The following AKAP8L variants were observed in gnomAD, a reference collection of about 807,000 sequenced individuals.
AKAP8L encodes A-kinase anchoring protein 8 like, also known as A-kinase anchor protein 8-like.
A neutral mutation model predicts 77.5 loss-of-function variants in AKAP8L; 34 were observed. The ratio of observed to expected loss-of-function variants is 0.44; its 90% CI spans 0.33 to 0.58. The LOEUF (loss-of-function observed/expected upper bound fraction) is 0.58, where lower values mean the gene tolerates loss of function less well. Ranked by LOEUF, AKAP8L falls within the 20% of genes least tolerant of loss-of-function variation. The probability of loss-of-function intolerance (pLI) is 0.02; values close to 1 mark genes in which losing one functional copy is unlikely to be tolerated. For missense variants in AKAP8L, 806 were observed against 887.6 expected (o/e 0.91, Z 1.17); for synonymous variants, 342 against 340.7 (o/e 1.00, Z -0.04).
intron 1 of AKAP8L, among the ~76,000 whole-genome samples, chr19:15,411,746 T>C (rs1447503447): frequency 6.6e-6 from 1 of 152,048 alleles, no homozygotes; most frequent in African/African-American, 2.4e-5. Context: ...ACTTTCAAAC[T>C]ATTTCTCAAC....
intron 12 of AKAP8L, among the ~76,000 whole-genome samples, chr19:15,394,097 T>A (rs1305653811): frequency 1.3e-5 from 2 of 152,090 alleles, no homozygotes; most frequent in Admixed American, 6.6e-5. Context: ...TGAAAACATA[T>A]GTCCACATAA....
chr19:15,403,393 G>T lies in AKAP8L; in HGVS notation c.362+82C>A. 1 of 1,327,064 alleles carries T rather than the reference G, an allele frequency of 7.5e-7. No homozygotes were observed. The highest frequency in any genetic ancestry group is 1.1e-6 in the Non-Finnish European group (1 of 929,876). The allele number at this position is 1,327,064 out of a possible 1,614,324, so 82.2% of individuals were successfully genotyped here. A position where few individuals can be genotyped will look rare whatever the true frequency, so the allele number is the denominator to read the frequency against. On this transcript the variant is annotated intron_variant, in intron 4 of 13. Coordinates refer to ENST00000397410, the MANE Select transcript of AKAP8L (RefSeq NM_014371.4). The surrounding 1 kb of genome is among the most constrained non-coding windows in gnomAD (Gnocchi z 4.3). ...GCGGGGAGGAAGCAGACACAGAGGG[G>T]CACTCAGAGAGGAAAACGCAGTGGG...
chr19:15,403,942 C>T lies in AKAP8L; in HGVS notation c.121+68G>A. 2 of 1,572,594 alleles carry T rather than the reference C, an allele frequency of 1.3e-6. No individual in the cohort carries two copies. Among genetic ancestry groups the T allele is most frequent in the South Asian group, 1.1e-5 (1 of 89,262 alleles). On this transcript the variant is annotated intron_variant, in intron 3 of 13. Transcript: ENST00000397410. The surrounding 1 kb of genome is among the most constrained non-coding windows in gnomAD (Gnocchi z 4.3). ...CACTCCCAACCTTGGCCAAGCAGGG[C>T]AGTGGCAGAGAAACACAGCCAGGAC... is the stretch of plus-strand genomic sequence containing the variant.
intron 12 of AKAP8L, among the ~76,000 whole-genome samples, chr19:15,394,208 C>G (rs1967722330): frequency 1.3e-5 from 2 of 150,436 alleles, no homozygotes; most frequent in Middle Eastern, 3.2e-3. Flanking sequence ...TGTGCCACAT[C>G]TATCTACACA....
In AKAP8L at chr19:15,380,099, G is replaced by A. The variant is rs1599580454; in HGVS notation, c.*23C>T. On this transcript the variant is annotated 3_prime_UTR_variant, in exon 14 of 14. Transcript: ENST00000397410. Reference sequence around the variant, plus strand: ...TTGGTTTCCAGCTTCGGCCACGCGGGCTCCGCCCGCCCCGAGCTCGGGTCA... The same window carrying A: ...TTGGTTTCCAGCTTCGGCCACGCGGACTCCGCCCGCCCCGAGCTCGGGTCA... The A allele has an allele frequency of 1.4e-6, 2 of 1,463,476 alleles. No individual in the cohort carries two copies. The highest frequency in any genetic ancestry group is 1.3e-5 in the South Asian group (1 of 75,676). 90.7% of individuals were successfully genotyped at this position (1,463,476 alleles called of 1,614,324 possible).
chr19:15,391,671 T>C (rs903347722), intron 12 of AKAP8L, among the ~76,000 whole-genome samples: 54 of 150,956 alleles, frequency 3.6e-4, no homozygotes, highest in Non-Finnish European at 7.2e-4. Flanking sequence ...CCCAAGTAGC[T>C]GGGACTACAG....
rs918875989 is a variant in AKAP8L, at chr19:15,380,161, G to A, written c.1902C>T (p.Asp634=). ...CGCCGCCCTCCTCGTCGTCCTCCAC[G>A]TCGAGGCCCGGGATGCCGCGGATCT... The part of the protein sequence containing the change: ...QRQIRGIPGL[D]VEDDEEGGGG... The change falls in exon 14 of 14, where the codon GAC becomes GAT. Residue 634 remains aspartate, a synonymous_variant. Transcript: ENST00000397410. The A allele has an allele frequency of 3.3e-6, 5 of 1,504,220 alleles. No homozygotes were observed. The African/African-American group carries it at 5.8e-5, about 17-fold the overall frequency. 93.2% of individuals were successfully genotyped at this position (1,504,220 alleles called of 1,614,324 possible). A position where few individuals can be genotyped will look rare whatever the true frequency, so the allele number is the denominator to read the frequency against.
In AKAP8L at chr19:15,403,781, G is replaced by C. The variant is rs1216660678; in HGVS notation, c.122-66C>G. On this transcript the variant is annotated intron_variant, in intron 3 of 13. Transcript: ENST00000397410. The surrounding 1 kb of genome is among the most constrained non-coding windows in gnomAD (Gnocchi z 4.3). ...GGCAGAGGGGAGGCAGACAGAGACA[G>C]AGACAAACACAGATACAAGGGTATC... 1 of 1,307,948 alleles carries C rather than the reference G, an allele frequency of 7.6e-7. No homozygotes were observed. The highest frequency in any genetic ancestry group is 1.1e-6 in the Non-Finnish European group (1 of 925,230). 81.0% of individuals were successfully genotyped at this position (1,307,948 alleles called of 1,614,324 possible). A position where few individuals can be genotyped will look rare whatever the true frequency, so the allele number is the denominator to read the frequency against.
chr19:15,382,101 C>T (rs1352962830), intron 12 of AKAP8L: 1 of 152,234 alleles, frequency 6.6e-6, no homozygotes, highest in Non-Finnish European at 1.5e-5. Flanking sequence ...CGGCATTTCC[C>T]TGCCCACCGG....
chr19:15,380,070 A>G lies in AKAP8L; in HGVS notation c.*52T>C. On this transcript the variant is annotated 3_prime_UTR_variant, in exon 14 of 14. Transcript: ENST00000397410. The stretch of plus-strand genomic sequence containing the variant: ...GGAGGTGGGATGGGAAAACTTTATT[A>G]GGTTTGGTTTCCAGCTTCGGCCACG... 7.4e-7 allele frequency: 1 copy of G among 1,357,900 alleles called. No individual in the cohort carries two copies. Among genetic ancestry groups the G allele is most frequent in the Non-Finnish European group, 9.4e-7 (1 of 1,059,148 alleles). The allele number at this position is 1,357,900 out of a possible 1,614,324, so 84.1% of individuals were successfully genotyped here.
Position 15,398,952 on chromosome 19 carries a change from C to T in AKAP8L, c.1157+350G>A. ...GCTGGGGCGGCACAGGCGCCTTGGA[C>T]CTTGAGTCTCTGATGAGCTGGCCCC... On this transcript the variant is annotated intron_variant, in intron 9 of 13. Coordinates refer to ENST00000397410, the MANE Select transcript of AKAP8L (RefSeq NM_014371.4). The surrounding 1 kb of genome is among the most constrained non-coding windows in gnomAD (Gnocchi z 9.2). 4.9e-6 allele frequency: 2 copies of T among 406,772 alleles called. No individual in the cohort carries two copies. The highest frequency in any genetic ancestry group is 8.1e-6 in the Non-Finnish European group (2 of 247,212). The allele number at this position is 406,772 out of a possible 1,614,324, so 25.2% of individuals were successfully genotyped here. A position where few individuals can be genotyped will look rare whatever the true frequency, so the allele number is the denominator to read the frequency against.
intron 12 of AKAP8L, among the ~76,000 whole-genome samples, chr19:15,392,818 C>A (rs1359369817): frequency 7.5e-6 from 1 of 134,198 alleles, no homozygotes; most frequent in Non-Finnish European, 1.5e-5. Flanking sequence ...ATTGCCTGAA[C>A]CCAGGAGGCG....
intron 12 of AKAP8L, among the ~76,000 whole-genome samples, chr19:15,386,055 C>T (rs1275118506): frequency 8.6e-5 from 13 of 152,026 alleles, no homozygotes; most frequent in Non-Finnish European, 1.6e-4. Context: ...GGACTACAGG[C>T]GCCCGTCACT....
At chr19:15,384,211 G>A (rs1028741934) in intron 12 of AKAP8L, among the ~76,000 whole-genome samples, 4 of 150,766 alleles carry the variant, frequency 2.7e-5, no homozygotes, top group South Asian at 2.1e-4. Context: ...GATTATAGGC[G>A]TGAGCCACCG....
chr19:15,394,594 A>G (rs916554788), intron 12 of AKAP8L, among the ~76,000 whole-genome samples: 1 of 151,482 alleles, frequency 6.6e-6, no homozygotes, highest in Admixed American at 6.6e-5. Context: ...CCCAGTCTGG[A>G]CTGTGGTGGT....
In AKAP8L at chr19:15,397,939, C is replaced by T; in HGVS notation, c.1158-84G>A. 1.0e-5 allele frequency: 16 copies of T among 1,529,866 alleles called. No individual in the cohort carries two copies. The highest frequency in any genetic ancestry group is 1.4e-5 in the Non-Finnish European group (16 of 1,130,874). The allele number at this position is 1,529,866 out of a possible 1,614,324, so 94.8% of individuals were successfully genotyped here. ...CGCCTCACCCAACCCAGACACAAGC[C>T]CTGAAACAGGCCTTGCTCACGGGCC... On this transcript the variant is annotated intron_variant, in intron 9 of 13. Coordinates refer to ENST00000397410, the MANE Select transcript of AKAP8L (RefSeq NM_014371.4). The surrounding 1 kb of genome is among the most constrained non-coding windows in gnomAD (Gnocchi z 4.7).
rs780024044 is a variant in AKAP8L, at chr19:15,397,643, G to C, written c.1300-18C>G. The C allele has an allele frequency of 2.5e-6, 4 of 1,613,898 alleles. No homozygotes were observed. The South Asian group carries it at 4.4e-5, about 18-fold the overall frequency. ...ACGTACTCCTGCAAGGAATATAAAG[G>C]TTCATGTGGGCCGCCTTATGTTCTC... On this transcript the variant is annotated intron_variant, in intron 10 of 13. Transcript: ENST00000397410. This position sits in a 1 kb window ranked among gnomAD's most constrained non-coding sequence, Gnocchi z 4.7.
At chr19:15,381,495 A>G (rs1381558002) in intron 12 of AKAP8L, among the ~76,000 whole-genome samples, 1 of 152,210 alleles carries the variant, frequency 6.6e-6, no homozygotes, top group Non-Finnish European at 1.5e-5. Context: ...TTTGATCATT[A>G]TAAAAACCAT....
rs753836217 is a variant in AKAP8L, at chr19:15,397,717, C to T, written c.1296G>A (p.Leu432=). 5.0e-6 allele frequency: 8 copies of T among 1,614,034 alleles called. No individual in the cohort carries two copies. In the East Asian group the frequency reaches 8.9e-5, roughly 18 times the overall value. The change falls in exon 10 of 14, where the codon CTG becomes CTA. Residue 432 remains leucine, a synonymous_variant. Transcript: ENST00000397410. This position sits in a 1 kb window ranked among gnomAD's most constrained non-coding sequence, Gnocchi z 4.7. The part of the protein sequence containing the change: ...TKLPKQTADF[L]QEYVTNKTKK... ...GCTGTGTTACTCCAAGGCTCACCTGCAGAAAGTCAGCCGTCTGCTTAGGGA... is the reference window on the plus strand; with the variant it reads ...GCTGTGTTACTCCAAGGCTCACCTGTAGAAAGTCAGCCGTCTGCTTAGGGA...
Sources: allele counts gnomAD v4.1 joint callset (sites outside exome capture counted in the v4.1 genomes callset), GRCh38; gene constraint gnomAD v4.1.1; non-coding constraint Gnocchi (gnomAD v3.1); transcripts MANE v1.5; gene names NCBI Gene and HGNC (gene_info 2026-07-23, HGNC 2026-07-21).